The following ADGRV1 variants were observed in gnomAD, a reference collection of about 807,000 sequenced individuals.
The protein encoded by ADGRV1 is adhesion G protein-coupled receptor V1, also known as G-protein coupled receptor 98.
In ADGRV1, 359 loss-of-function variants were observed where a neutral mutation model predicts 596.2. The ratio of observed to expected loss-of-function variants is 0.60; its 90% confidence interval spans 0.55 to 0.66. The LOEUF (loss-of-function observed/expected upper bound fraction) is 0.66. Ranked by LOEUF, ADGRV1 falls within the 30% of genes least tolerant of loss-of-function variation. The pLI is 0.00. For missense variants in ADGRV1, 7,274 were observed against 7,575.6 expected (o/e 0.96, Z 1.48); for synonymous variants, 2,681 against 2,679.2 (o/e 1.00, Z -0.02).
intron 84 of ADGRV1, among the ~76,000 whole-genome samples, chr5:90,971,949 G>A (rs1779071531): frequency 6.6e-6 from 1 of 152,114 alleles, no homozygotes; most frequent in South Asian, 2.1e-4. Flanking sequence ...GCTGTATTCA[G>A]GAGACCCATC....
At chr5:91,031,200 T>C in intron 85 of ADGRV1, 1 of 1,538,892 alleles carries the variant, frequency 6.5e-7, no homozygotes, top group Non-Finnish European at 9.0e-7. Context: ...GTAATCGAGA[T>C]TTCCAGGAGT....
chr5:91,059,784 A>G (rs1554210449), intron 85 of ADGRV1, among the ~76,000 whole-genome samples: 1 of 152,144 alleles, frequency 6.6e-6, no homozygotes, highest in Non-Finnish European at 1.5e-5. Context: ...TTTTTGGCCC[A>G]TATTTCTTTT....
rs115329465 is a variant in ADGRV1 at position 90,828,265 on chromosome 5, T to C, written c.16369-679T>C. Among the ~76,000 whole-genome samples the C allele has an allele frequency of 8.1e-3, 1,229 of 152,166 alleles. 16 individuals carry two copies. The highest frequency in any genetic ancestry group is 0.028 in the African/African-American group (1,175 of 41,546). On this transcript the variant is annotated intron_variant, in intron 76 of 89. Coordinates refer to ENST00000405460, the MANE Select transcript of ADGRV1 (RefSeq NM_032119.4). ...AAACTTCAGAATTGACTATTATAAA[T>C]ATTTGATTATATTTATTTAAAACAC...
At chr5:90,738,610 T>A (rs1218569977) in intron 50 of ADGRV1, among the ~76,000 whole-genome samples, 3 of 152,168 alleles carry the variant, frequency 2.0e-5, no homozygotes, top group African/African-American at 7.2e-5. Context: ...TTCCCCTTCT[T>A]CATTACTTTG....
chr5:90,823,265 A>G (rs191137838), intron 75 of ADGRV1, among the ~76,000 whole-genome samples, 160 bp from the exon 76 acceptor site: 2 of 152,274 alleles, frequency 1.3e-5, no homozygotes, highest in Admixed American at 1.3e-4. Context: ...AAAATTGGTC[A>G]TTTTCTGCAT....
At chr5:90,961,345 A>C (rs2150953386) in intron 83 of ADGRV1, among the ~76,000 whole-genome samples, 1 of 152,130 alleles carries the variant, frequency 6.6e-6, no homozygotes, top group African/African-American at 2.4e-5. Flanking sequence ...CTAAAAATAC[A>C]AAAAATGGTG....
chr5:91,044,087 A>C (rs1198055103), intron 85 of ADGRV1, among the ~76,000 whole-genome samples: 1 of 152,070 alleles, frequency 6.6e-6, no homozygotes, highest in African/African-American at 2.4e-5. Context: ...ATAGAAAGAT[A>C]TTTATATTAG....
At chr5:90,758,258 G>A (rs1264800402) in intron 57 of ADGRV1, among the ~76,000 whole-genome samples, 1 of 152,088 alleles carries the variant, frequency 6.6e-6, no homozygotes, top group Non-Finnish European at 1.5e-5. Context: ...GCGTGAACCT[G>A]GGAGGCGGAG....
At position 90,727,631 on chromosome 5, in the gene ADGRV1, A is replaced by G. The variant is rs141507736; in HGVS notation, c.10162-1038A>G. Among the ~76,000 whole-genome samples, 1,052 of 152,320 alleles carry G rather than the reference A, an allele frequency of 6.9e-3. 7 individuals are homozygous for G. Among genetic ancestry groups the G allele is most frequent in the African/African-American group, 0.023 (973 of 41,574 alleles). ...AATATGGGCTTAACATAGGATAGCTATATTTCCTGATTTGCCTTGGAAAGT... is the reference window on the plus strand; with the variant it reads ...AATATGGGCTTAACATAGGATAGCTGTATTTCCTGATTTGCCTTGGAAAGT... On this transcript the variant is annotated intron_variant, in intron 48 of 89. Transcript: ENST00000405460.
intron 83 of ADGRV1, among the ~76,000 whole-genome samples, chr5:90,945,341 G>C (rs1215333352): frequency 6.6e-6 from 1 of 152,022 alleles, no homozygotes; most frequent in African/African-American, 2.4e-5. Context: ...GAGGAGGCAA[G>C]ACCACTTATT....
chr5:90,785,781 G>T lies in ADGRV1; in HGVS notation c.13653+1724G>T, dbSNP rs192807200. On this transcript the variant is annotated intron_variant, in intron 67 of 89. Transcript: ENST00000405460. ...TGCTGGAGAGGATGTGGAGAAATAGGAACGCTTTTACACTGCTGGTAGGAG... is the reference window on the plus strand; with the variant it reads ...TGCTGGAGAGGATGTGGAGAAATAGTAACGCTTTTACACTGCTGGTAGGAG... Among the ~76,000 whole-genome samples, 10 of 152,228 alleles carry T rather than the reference G, an allele frequency of 6.6e-5. No homozygotes were observed. The East Asian group carries it at 1.2e-3, about 18-fold the overall frequency.
intron 62 of ADGRV1, 60 bp downstream of exon 62, chr5:90,778,103 G>T (rs573262696): frequency 1.6e-5 from 23 of 1,478,376 alleles, no homozygotes; most frequent in Admixed American, 6.0e-5. Context: ...GTGTGCACAT[G>T]TGTGAGCATA....
chr5:90,560,712 C>T (rs2151937231), intron 1 of ADGRV1, among the ~76,000 whole-genome samples: 1 of 152,210 alleles, frequency 6.6e-6, no homozygotes, highest in South Asian at 2.1e-4. Flanking sequence ...CTGTATCAGT[C>T]TCCATTTATT....
intron 34 of ADGRV1, 131 bp from the exon 35 acceptor site, chr5:90,703,534 C>T: frequency 3.3e-6 from 2 of 605,474 alleles, no homozygotes; most frequent in African/African-American, 1.9e-5. Flanking sequence ...AAATTCAAAA[C>T]AAAACAGCTT....
intron 67 of ADGRV1, among the ~76,000 whole-genome samples, chr5:90,787,499 T>C (rs1164638592): frequency 6.6e-6 from 1 of 152,060 alleles, no homozygotes; most frequent in Non-Finnish European, 1.5e-5. Context: ...TAGATTTTTA[T>C]ATGTTTTTAT....
At chr5:91,005,997 A>C (rs922796011) in intron 85 of ADGRV1, among the ~76,000 whole-genome samples, 1 of 151,920 alleles carries the variant, frequency 6.6e-6, no homozygotes, top group African/African-American at 2.4e-5. Flanking sequence ...CCCAACCTTC[A>C]TTTTCCCAGC....
chr5:91,149,756 C>T (rs975557883), intron 87 of ADGRV1, among the ~76,000 whole-genome samples: 2 of 138,504 alleles, frequency 1.4e-5, no homozygotes, highest in African/African-American at 5.4e-5. Flanking sequence ...TCACTTGAGT[C>T]TGAGAGGCAG....
In ADGRV1 at chr5:90,711,315, C is replaced by T. The variant is rs1468489550; in HGVS notation, c.9035C>T (p.Thr3012Ile). 2.5e-6 allele frequency: 4 copies of T among 1,602,364 alleles called. No homozygotes were observed. The highest frequency in any genetic ancestry group is 3.4e-6 in the Non-Finnish European group (4 of 1,175,804). ...CAAGTGGGGCTGGATTATATCTTCA[C>T]CCCAATGGTGGGTCTCAAAATCTAT... ...EAQVGLDYIF[T>I]PMILHFADGE... The change falls in exon 41 of 90, where the codon ACC (threonine) becomes ATC (isoleucine). Residue 3012 changes from threonine to isoleucine, a missense_variant. By Grantham distance (89) the Thr-to-Ile change is moderately conservative (BLOSUM62 -1). This residue lies in a region of ADGRV1 where 3,643 missense variants were observed against 3,809.2 expected (regional missense o/e 0.96). Coordinates refer to ENST00000405460, the MANE Select transcript of ADGRV1 (RefSeq NM_032119.4).
At chr5:90,732,958 C>T (rs1752745074) in intron 50 of ADGRV1, among the ~76,000 whole-genome samples, 1 of 152,120 alleles carries the variant, frequency 6.6e-6, no homozygotes, top group Admixed American at 6.5e-5. Context: ...TAGAGAAATC[C>T]TTGAAGGCTT....
Sources: allele counts gnomAD v4.1 joint callset (sites outside exome capture counted in the v4.1 genomes callset), GRCh38; gene constraint gnomAD v4.1.1; regional missense constraint gnomAD v4.1.1; transcripts MANE v1.5; gene names NCBI Gene and HGNC (gene_info 2026-07-23, HGNC 2026-07-21).